Variants in GAP43 observed in about 807,000 individuals in gnomAD.
GAP43 encodes growth associated protein 43, also known as neuromodulin.
In GAP43, 6 loss-of-function variants were observed where a neutral mutation model predicts 18.6. The observed-to-expected ratio is 0.32, with a 90% CI of 0.18 to 0.64. GAP43 has a LOEUF of 0.64. Among genes scored for constraint, GAP43 ranks in the 30% least tolerant of loss-of-function variants. The probability of loss-of-function intolerance (pLI) is 0.78; values close to 1 mark genes in which losing one functional copy is unlikely to be tolerated. For synonymous variants in GAP43, 115 were observed against 111.4 expected, an observed-to-expected ratio of 1.03 and a Z score of -0.20; for missense variants, 292 against 295.5, an observed-to-expected ratio of 0.99 and a Z score of 0.09.
chr3:115,673,620 T>A (rs1708840581), intron 1 of GAP43, among the ~76,000 whole-genome samples: 1 of 152,232 alleles, frequency 6.6e-6, no homozygotes, highest in African/African-American at 2.4e-5. Flanking sequence ...CCATGCTCCA[T>A]TCACAACTGT....
At chr3:115,700,369 T>G (rs1014044180) in intron 2 of GAP43, among the ~76,000 whole-genome samples, 2 of 152,106 alleles carry the variant, frequency 1.3e-5, no homozygotes, top group Non-Finnish European at 2.9e-5. Context: ...AAAATAAAAT[T>G]ACGCCTGTTT....
intron 2 of GAP43, among the ~76,000 whole-genome samples, chr3:115,685,435 A>G (rs1158411643): frequency 1.3e-5 from 2 of 152,204 alleles, no homozygotes; most frequent in South Asian, 2.1e-4. Flanking sequence ...GTAAGAGTCT[A>G]TTGAACCTGC....
chr3:115,653,670 C>T (rs916067519), intron 1 of GAP43, among the ~76,000 whole-genome samples: 1 of 152,098 alleles, frequency 6.6e-6, no homozygotes. Context: ...TCAAATCCCT[C>T]GTTCAGAGAC....
intron 1 of GAP43, among the ~76,000 whole-genome samples, chr3:115,643,787 G>A (rs1708427007): frequency 6.6e-6 from 1 of 151,830 alleles, no homozygotes; most frequent in South Asian, 2.1e-4. Flanking sequence ...ACAATCTGCT[G>A]GCACCAGTGG....
At position 115,720,777 on chromosome 3, in the gene GAP43, C is replaced by G; in HGVS notation, c.629-17C>G. 6.3e-7 allele frequency: 1 copy of G among 1,590,356 alleles called. No individual in the cohort carries two copies. Among genetic ancestry groups the G allele is most frequent in the Non-Finnish European group, 8.6e-7 (1 of 1,159,510 alleles). ...TTCTCTCCTTTTCCCCCCATCCTATCTTGTTTTCTTTCTCAGAAGCTGTAG... is the reference window on the plus strand; with the variant it reads ...TTCTCTCCTTTTCCCCCCATCCTATGTTGTTTTCTTTCTCAGAAGCTGTAG... On this transcript the variant is annotated splice_polypyrimidine_tract_variant and intron_variant, in intron 2 of 2. Transcript: ENST00000305124.
rs535314507 is a variant in GAP43, at chr3:115,679,277, A to G, written c.628+2667A>G. Among the ~76,000 whole-genome samples the G allele has an allele frequency of 4.3e-4, 65 of 152,286 alleles. No homozygotes were observed. In the South Asian group the frequency reaches 9.5e-3, roughly 22 times the overall value. On this transcript the variant is annotated intron_variant, in intron 2 of 2. Coordinates refer to ENST00000305124, the MANE Select transcript of GAP43 (RefSeq NM_002045.4). ...AGGCTTAAAAATTTTAGATATGATT[A>G]TTACTTTAATACCTATGGAAATGTT...
chr3:115,670,046 G>A (rs1348157230), intron 1 of GAP43, among the ~76,000 whole-genome samples: 5 of 119,948 alleles, frequency 4.2e-5, no homozygotes, highest in Non-Finnish European at 8.4e-5. Flanking sequence ...TGCACATTGT[G>A]CAGGTTAGTT....
intron 2 of GAP43, among the ~76,000 whole-genome samples, chr3:115,715,176 C>T (rs539630616): frequency 6.6e-6 from 1 of 152,308 alleles, no homozygotes; most frequent in African/African-American, 2.4e-5. Flanking sequence ...TGAAGGAACA[C>T]AGACATTTAA....
chr3:115,650,036 G>A (rs1708503018), intron 1 of GAP43, among the ~76,000 whole-genome samples: 1 of 152,078 alleles, frequency 6.6e-6, no homozygotes, highest in African/African-American at 2.4e-5. Flanking sequence ...ACCTGGAGAA[G>A]GTTTTTAAAA....
At chr3:115,649,801 C>T (rs1708500025) in intron 1 of GAP43, among the ~76,000 whole-genome samples, 1 of 127,792 alleles carries the variant, frequency 7.8e-6, no homozygotes. Context: ...TATAGTGAGA[C>T]CCTGTCTCTA....
chr3:115,698,316 A>AT lies in GAP43; in HGVS notation c.628+21706_628+21707insT, dbSNP rs1709251325. ...TATATATTATATATAAAATATATAT[A>AT]ATATATATATATAAAACCAGTTCTG... On this transcript the variant is annotated intron_variant, in intron 2 of 2. Transcript: ENST00000305124. Among the ~76,000 whole-genome samples the AT allele has an allele frequency of 3.1e-5, 3 of 95,242 alleles. 1 individual carries two copies. In the Admixed American group the frequency reaches 6.2e-4, roughly 20 times the overall value. 62.5% of individuals were successfully genotyped at this position (95,242 alleles called of 152,430 possible). A position where few individuals can be genotyped will look rare whatever the true frequency, so the allele number is the denominator to read the frequency against.
chr3:115,634,797 T>A (rs912619800), intron 1 of GAP43, among the ~76,000 whole-genome samples: 17 of 151,572 alleles, frequency 1.1e-4, no homozygotes, highest in Admixed American at 1.1e-3. Flanking sequence ...AAATAAATAA[T>A]AAAAATTCCC....
chr3:115,650,569 C>G (rs966408018), intron 1 of GAP43, among the ~76,000 whole-genome samples: 4 of 151,998 alleles, frequency 2.6e-5, no homozygotes, highest in East Asian at 1.9e-4. Context: ...CACTTCCATC[C>G]TTGACTTGAA....
chr3:115,682,147 C>A (rs755116579), intron 2 of GAP43, among the ~76,000 whole-genome samples: 1 of 152,180 alleles, frequency 6.6e-6, no homozygotes, highest in Non-Finnish European at 1.5e-5. Context: ...AGCCCTATCA[C>A]CCCAGAATTA....
chr3:115,711,548 G>A (rs909715216), intron 2 of GAP43, among the ~76,000 whole-genome samples: 1 of 152,046 alleles, frequency 6.6e-6, no homozygotes. Flanking sequence ...AAATTCCTAG[G>A]TTGAAATGTC....
intron 1 of GAP43, among the ~76,000 whole-genome samples, chr3:115,627,366 A>G (rs942141831): frequency 3.3e-5 from 5 of 151,000 alleles, no homozygotes; most frequent in African/African-American, 1.2e-4. Context: ...ATGCAGAGTT[A>G]ATTTTCTTTC....
intron 1 of GAP43, among the ~76,000 whole-genome samples, chr3:115,625,984 A>T (rs893200715): frequency 1.3e-5 from 2 of 152,216 alleles, no homozygotes; most frequent in Non-Finnish European, 2.9e-5. Context: ...TGAAATGGTC[A>T]TGTCTCTTAT....
chr3:115,660,705 G>A (rs1358228565), intron 1 of GAP43, among the ~76,000 whole-genome samples: 1 of 152,212 alleles, frequency 6.6e-6, no homozygotes, highest in African/African-American at 2.4e-5. Context: ...TTTCATCATT[G>A]AATGTGCAAA....
intron 1 of GAP43, among the ~76,000 whole-genome samples, chr3:115,651,361 GAA>G (rs1229730002): frequency 6.6e-6 from 1 of 152,070 alleles, no homozygotes; most frequent in Non-Finnish European, 1.5e-5. Flanking sequence ...CCTGTTGTTT[GAA>G]AAGTTAAGTT....
Sources: allele counts gnomAD v4.1 joint callset (sites outside exome capture counted in the v4.1 genomes callset), GRCh38; gene constraint gnomAD v4.1.1; transcripts MANE v1.5; gene names NCBI Gene and HGNC (gene_info 2026-07-23, HGNC 2026-07-21).